ZFHX3: variants seen among roughly 807,000 people sequenced by gnomAD.
ZFHX3 encodes the protein zinc finger homeobox 3.
Under a neutral mutation model 279.1 loss-of-function variants are expected in ZFHX3, and 42 were observed. The ratio of observed to expected loss-of-function variants is 0.15; its 90% CI spans 0.12 to 0.19. ZFHX3 has a LOEUF of 0.19. ZFHX3 is among the 10% of genes least tolerant of loss of function. The pLI is 1.00. For synonymous variants in ZFHX3, 2,293 were observed against 1,957.8 expected, an observed-to-expected ratio of 1.17 and a Z score of -4.52; for missense variants, 4,981 against 4,754.0, an observed-to-expected ratio of 1.05 and a Z score of -1.40.
intron 4 of ZFHX3, among the ~76,000 whole-genome samples, chr16:73,301,589 G>T (rs556224293): frequency 1.3e-5 from 2 of 152,266 alleles, no homozygotes; most frequent in South Asian, 4.1e-4. Flanking sequence ...ATTAGCCCCA[G>T]TTGAGAACCA....
chr16:73,631,913 T>G (rs2052473133), intron 2 of ZFHX3, among the ~76,000 whole-genome samples: 1 of 106,740 alleles, frequency 9.4e-6, no homozygotes, highest in African/African-American at 3.4e-5. Flanking sequence ...TCTCTCTCTC[T>G]CTCTCTCTCT....
At chr16:73,269,423 G>C (rs1425796068) in intron 4 of ZFHX3, among the ~76,000 whole-genome samples, 1 of 152,150 alleles carries the variant, frequency 6.6e-6, no homozygotes, top group African/African-American at 2.4e-5. Context: ...GAATAATTCA[G>C]TATTTTTTGT....
At chr16:73,642,152 G>A (rs539872793) in intron 2 of ZFHX3, among the ~76,000 whole-genome samples, 1 of 152,140 alleles carries the variant, frequency 6.6e-6, no homozygotes, top group Non-Finnish European at 1.5e-5. Context: ...CCAGTCTCTC[G>A]TGAAAGCAGC....
chr16:72,822,891 T>A (rs957791052), intron 5 of ZFHX3, among the ~76,000 whole-genome samples: 1 of 151,898 alleles, frequency 6.6e-6, no homozygotes, highest in Non-Finnish European at 1.5e-5. Context: ...ATCTCTCTTA[T>A]GACTTACAAC....
intron 1 of ZFHX3, among the ~76,000 whole-genome samples, chr16:73,861,130 G>T (rs1419234307): frequency 2.0e-5 from 3 of 151,250 alleles, no homozygotes; most frequent in Non-Finnish European, 2.9e-5. Context: ...CACCTGGATG[G>T]TTTTTTTTGT....
intron 4 of ZFHX3, among the ~76,000 whole-genome samples, chr16:72,882,270 G>A (rs1373993048): frequency 6.7e-6 from 1 of 149,902 alleles, no homozygotes; most frequent in Non-Finnish European, 1.5e-5. Context: ...TTGGGCACGT[G>A]CTGCCACCCA....
chr16:73,721,941 A>G (rs963991575), intron 1 of ZFHX3, among the ~76,000 whole-genome samples: 1 of 152,210 alleles, frequency 6.6e-6, no homozygotes, highest in Admixed American at 6.5e-5. Context: ...GCTACTCGGG[A>G]GACTGAGGTG....
chr16:73,379,483 G>A (rs1433453154), intron 3 of ZFHX3, among the ~76,000 whole-genome samples: 1 of 152,172 alleles, frequency 6.6e-6, no homozygotes, highest in East Asian at 1.9e-4. Context: ...TATCTCCATA[G>A]GCAGGCTACC....
At chr16:73,584,716 A>T (rs558691866) in intron 2 of ZFHX3, among the ~76,000 whole-genome samples, 1 of 152,374 alleles carries the variant, frequency 6.6e-6, no homozygotes, top group East Asian at 1.9e-4. Context: ...AAGCAATTGC[A>T]ACAAAAGCAA....
At chr16:73,448,839 A>G (rs561919198) in intron 3 of ZFHX3, among the ~76,000 whole-genome samples, 24 of 152,236 alleles carry the variant, frequency 1.6e-4, no homozygotes, top group African/African-American at 5.5e-4. Flanking sequence ...GATCCTGAGT[A>G]TATCTTAAAG....
chr16:72,980,120 C>T (rs1962524409), intron 1 of ZFHX3, among the ~76,000 whole-genome samples: 1 of 152,138 alleles, frequency 6.6e-6, no homozygotes, highest in Non-Finnish European at 1.5e-5. Context: ...AATACTGACC[C>T]CACAGGGTGT....
At chr16:73,587,855 T>A (rs1335542005) in intron 2 of ZFHX3, among the ~76,000 whole-genome samples, 1 of 152,196 alleles carries the variant, frequency 6.6e-6, no homozygotes, top group Non-Finnish European at 1.5e-5. Flanking sequence ...TTCAAAAAAA[T>A]GCAGAATTTT....
intron 5 of ZFHX3, among the ~76,000 whole-genome samples, chr16:73,195,430 T>G (rs1418786951): frequency 1.4e-5 from 2 of 147,966 alleles, no homozygotes; most frequent in Middle Eastern, 3.4e-3. Context: ...TTTTTTTTTT[T>G]TTTTTTGAGA....
rs189772318 is a variant in ZFHX3, at chr16:73,715,956, T to G, written c.-1607-35716A>C. 2.7e-3 allele frequency among the ~76,000 whole-genome samples: 408 copies of G among 152,256 alleles called. No homozygotes were observed. The Middle Eastern group carries it at 0.051, about 19-fold the overall frequency. On this transcript the variant is annotated intron_variant, in intron 1 of 17. Transcript: ENST00000641206. ...GCATATTTCCTCTACATCTTAATTT[T>G]TTAAACAACCACCTGCATAAAACCT...
chr16:73,313,950 T>C (rs987358807), intron 4 of ZFHX3, among the ~76,000 whole-genome samples: 4 of 152,090 alleles, frequency 2.6e-5, no homozygotes, highest in African/African-American at 9.7e-5. Flanking sequence ...TCTACAAAAA[T>C]TAGCTGGTCA....
intron 1 of ZFHX3, among the ~76,000 whole-genome samples, chr16:73,886,882 C>A (rs1356261584): frequency 6.6e-6 from 1 of 152,188 alleles, no homozygotes; most frequent in Non-Finnish European, 1.5e-5. Context: ...AATGTCCTAG[C>A]TGAAGGACCA....
At chr16:73,278,484 A>G (rs1005040591) in intron 4 of ZFHX3, among the ~76,000 whole-genome samples, 4 of 152,234 alleles carry the variant, frequency 2.6e-5, no homozygotes, top group African/African-American at 9.6e-5. Context: ...CAACAGCTCT[A>G]AAGATGGCAC....
chr16:73,457,025 C>A (rs1559381), intron 2 of ZFHX3, among the ~76,000 whole-genome samples: 71,112 of 152,070 alleles, frequency 0.47, 20,579 homozygotes, highest in Non-Finnish European at 0.66. Flanking sequence ...GGAAGGAAAT[C>A]TACTGATTAC....
At chr16:73,617,779 TA>T (rs898585477) in intron 2 of ZFHX3, among the ~76,000 whole-genome samples, 2 of 152,200 alleles carry the variant, frequency 1.3e-5, no homozygotes, top group African/African-American at 4.8e-5. Context: ...TGTTTTTTTT[TA>T]AAAAATCTCA....
Sources: allele counts gnomAD v4.1 joint callset (sites outside exome capture counted in the v4.1 genomes callset), GRCh38; gene constraint gnomAD v4.1.1; transcripts MANE v1.5; gene names NCBI Gene and HGNC (gene_info 2026-07-23, HGNC 2026-07-21).